Variants in TMC1 observed in about 807,000 individuals in gnomAD.
TMC1 encodes transmembrane channel like 1, also known as transmembrane channel-like protein 1.
Under a neutral mutation model 105.8 loss-of-function variants are expected in TMC1, and 84 were observed. That is an observed-to-expected ratio of 0.79 (90% confidence interval 0.67 to 0.95). TMC1 has a LOEUF of 0.95. Among genes scored for constraint, TMC1 ranks in the 40% least tolerant of loss-of-function variants. The pLI is 0.00. For missense variants in TMC1, 817 were observed against 914.1 expected (o/e 0.89, Z 1.37); for synonymous variants, 315 against 311.5 (o/e 1.01, Z -0.12).
chr9:72,526,744 A>C (rs1202246431), intron 1 of TMC1, among the ~76,000 whole-genome samples: 1 of 152,210 alleles, frequency 6.6e-6, no homozygotes, highest in Non-Finnish European at 1.5e-5. Context: ...AATGAGCATG[A>C]AGGGCAAGGA....
chr9:72,570,190 C>A (rs537960827), intron 1 of TMC1, among the ~76,000 whole-genome samples: 4 of 151,532 alleles, frequency 2.6e-5, no homozygotes, highest in African/African-American at 9.7e-5. Context: ...TTTTCTTTCC[C>A]TCTGCCCCAC....
chr9:72,553,699 C>G (rs1193285752), intron 1 of TMC1, among the ~76,000 whole-genome samples: 9 of 152,050 alleles, frequency 5.9e-5, no homozygotes, highest in Non-Finnish European at 8.8e-5. Flanking sequence ...GTGGACAAAT[C>G]AATGTATAAA....
chr9:72,812,720 C>T (rs1828725897), intron 18 of TMC1, among the ~76,000 whole-genome samples: 5 of 152,236 alleles, frequency 3.3e-5, no homozygotes, highest in Non-Finnish European at 5.9e-5. Context: ...GCTTGCAGCT[C>T]TAAGCAGAGT....
chr9:72,558,114 C>T (rs888273374), intron 1 of TMC1, among the ~76,000 whole-genome samples: 1 of 152,174 alleles, frequency 6.6e-6, no homozygotes. Flanking sequence ...GGAAATATTT[C>T]TAATTTGCCT....
intron 5 of TMC1, among the ~76,000 whole-genome samples, chr9:72,685,167 C>T (rs916047281): frequency 2.6e-4 from 34 of 131,616 alleles, no homozygotes; most frequent in Non-Finnish European, 3.5e-4. Context: ...AGTGCAGTGG[C>T]GCTATCTCAG....
chr9:72,751,814 G>A, intron 10 of TMC1, 36 bp from the exon 11 acceptor site: 1 of 1,362,866 alleles, frequency 7.3e-7, no homozygotes, highest in Non-Finnish European at 1.0e-6. Context: ...TGTTTGCTTT[G>A]ATCTCTCTTC....
intron 1 of TMC1, among the ~76,000 whole-genome samples, chr9:72,547,149 C>T (rs749215749): frequency 4.6e-5 from 7 of 152,058 alleles, no homozygotes; most frequent in Admixed American, 1.3e-4. Context: ...CAGCTGGGTG[C>T]GTTGGCGTGC....
At chr9:72,627,032 T>G (rs75183860) in intron 3 of TMC1, among the ~76,000 whole-genome samples, 1 of 144,686 alleles carries the variant, frequency 6.9e-6, no homozygotes, top group Non-Finnish European at 1.5e-5. Flanking sequence ...TGTTGTTGGT[T>G]TTTTTTTTTT....
intron 8 of TMC1, among the ~76,000 whole-genome samples, chr9:72,733,769 CA>C (rs1588055472): frequency 6.6e-6 from 1 of 152,148 alleles, no homozygotes; most frequent in African/African-American, 2.4e-5. Context: ...GAAAAACTAG[CA>C]AGAATTTCTT....
At chr9:72,692,539 A>G (rs1382460922) in intron 6 of TMC1, among the ~76,000 whole-genome samples, 1 of 152,132 alleles carries the variant, frequency 6.6e-6, no homozygotes, top group Non-Finnish European at 1.5e-5. Flanking sequence ...CATCTTGTTG[A>G]TGTCATCCCA....
chr9:72,601,664 A>C (rs1305691992), intron 2 of TMC1, among the ~76,000 whole-genome samples: 4 of 152,098 alleles, frequency 2.6e-5, no homozygotes, highest in African/African-American at 9.7e-5. Context: ...AAAACAAAAC[A>C]AAACCAAAAA....
chr9:72,806,177 A>AC (rs1242836553), intron 18 of TMC1, among the ~76,000 whole-genome samples: 10 of 128,524 alleles, frequency 7.8e-5, no homozygotes, highest in South Asian at 7.6e-4. Flanking sequence ...CGGGGGGCTG[A>AC]CCCCCCACCT....
chr9:72,626,667 G>T (rs1170975549), intron 3 of TMC1, among the ~76,000 whole-genome samples: 1 of 152,158 alleles, frequency 6.6e-6, no homozygotes, highest in Non-Finnish European at 1.5e-5. Flanking sequence ...GCTATGGAGA[G>T]AGATGGAGTA....
chr9:72,822,159 C>T (rs368552012), intron 20 of TMC1, among the ~76,000 whole-genome samples: 52 of 152,292 alleles, frequency 3.4e-4, no homozygotes, highest in African/African-American at 1.2e-3. Flanking sequence ...AATGAATCTA[C>T]TACAAGTTCT....
chr9:72,727,552 A>C (rs2117970586), intron 8 of TMC1, among the ~76,000 whole-genome samples: 1 of 152,278 alleles, frequency 6.6e-6, no homozygotes, highest in African/African-American at 2.4e-5. Context: ...ATTTCTACCT[A>C]CTTCTAATAA....
intron 1 of TMC1, among the ~76,000 whole-genome samples, chr9:72,545,604 C>T (rs1449143173): frequency 6.6e-6 from 1 of 152,134 alleles, no homozygotes; most frequent in East Asian, 1.9e-4. Context: ...TCTCATGCCT[C>T]AGCCTCCCGA....
At chr9:72,662,864 G>A (rs1247792314) in intron 5 of TMC1, among the ~76,000 whole-genome samples, 2 of 152,162 alleles carry the variant, frequency 1.3e-5, no homozygotes, top group Non-Finnish European at 2.9e-5. Context: ...TTTATAACAT[G>A]TATCCCTACT....
chr9:72,656,154 C>T (rs1195790913), intron 5 of TMC1: 3 of 611,848 alleles, frequency 4.9e-6, no homozygotes, highest in Non-Finnish European at 9.3e-6. Flanking sequence ...TTGCCATCTT[C>T]GGCTCCGTGG....
chr9:72,603,549 G>GTGTTGT (rs10655236), intron 2 of TMC1, among the ~76,000 whole-genome samples: 63 of 151,330 alleles, frequency 4.2e-4, no homozygotes, highest in Admixed American at 1.3e-3. Flanking sequence ...GTTTAGTTTA[G>GTGTTGT]TGTTGTTGTT....
Sources: allele counts gnomAD v4.1 joint callset (sites outside exome capture counted in the v4.1 genomes callset), GRCh38; gene constraint gnomAD v4.1.1; transcripts MANE v1.5; gene names NCBI Gene and HGNC (gene_info 2026-07-23, HGNC 2026-07-21).